The following KCNH1 variants were observed in gnomAD, a reference collection of about 807,000 sequenced individuals.
KCNH1 encodes potassium voltage-gated channel subfamily H member 1, also known as voltage-gated delayed rectifier potassium channel KCNH1.
Under a neutral mutation model 69.2 loss-of-function variants are expected in KCNH1, and 27 were observed. That is an observed-to-expected ratio of 0.39 (90% CI 0.29 to 0.54). KCNH1 has a LOEUF of 0.54. KCNH1 is among the 20% of genes least tolerant of loss of function. The pLI, the probability that KCNH1 is intolerant of heterozygous loss-of-function variation, is 0.68. For synonymous variants in KCNH1, 456 were observed against 487.7 expected (o/e 0.93, Z 0.86); for missense variants, 798 against 1,261.6 (o/e 0.63, Z 5.57).
intron 6 of KCNH1, among the ~76,000 whole-genome samples, chr1:211,011,584 A>G (rs1689395401): frequency 6.6e-6 from 1 of 152,182 alleles, no homozygotes; most frequent in African/African-American, 2.4e-5. Flanking sequence ...GAACTCTTGC[A>G]TTGCCTCAGA....
At chr1:211,053,760 C>T (rs1690250790) in intron 5 of KCNH1, among the ~76,000 whole-genome samples, 1 of 152,052 alleles carries the variant, frequency 6.6e-6, no homozygotes, top group African/African-American at 2.4e-5. Flanking sequence ...AATCAGATGC[C>T]TCATCAACTG....
intron 5 of KCNH1, among the ~76,000 whole-genome samples, chr1:211,020,491 T>TA (rs34530499): frequency 0.15 from 22,146 of 149,820 alleles, 1,869 homozygotes; most frequent in East Asian, 0.39. Context: ...GAATCAGTAA[T>TA]AAAAAAAAAA....
chr1:210,986,352 T>G (rs1213081485), intron 6 of KCNH1, among the ~76,000 whole-genome samples: 1 of 152,234 alleles, frequency 6.6e-6, no homozygotes, highest in Non-Finnish European at 1.5e-5. Flanking sequence ...ATTTTGCTCA[T>G]TAGTTGATGC....
intron 1 of KCNH1, among the ~76,000 whole-genome samples, chr1:211,128,373 C>T (rs1391104743): frequency 6.6e-6 from 1 of 151,370 alleles, no homozygotes; most frequent in Non-Finnish European, 1.5e-5. Context: ...AGAATATATG[C>T]TATATGATCT....
At chr1:211,129,114 A>G (rs368848984) in intron 1 of KCNH1, among the ~76,000 whole-genome samples, 11 of 152,180 alleles carry the variant, frequency 7.2e-5, no homozygotes, top group African/African-American at 2.4e-4. Context: ...CTGTGATTCT[A>G]TTTCTCTTTC....
At chr1:210,707,610 A>G (rs1681946014) in intron 10 of KCNH1, among the ~76,000 whole-genome samples, 1 of 152,200 alleles carries the variant, frequency 6.6e-6, no homozygotes, top group South Asian at 2.1e-4. Context: ...GGCTGGCCAC[A>G]CAGAGGGAAA....
chr1:210,877,199 G>C (rs1385610988), intron 7 of KCNH1, among the ~76,000 whole-genome samples: 2 of 152,048 alleles, frequency 1.3e-5, no homozygotes, highest in Non-Finnish European at 2.9e-5. Flanking sequence ...ACTAATTATA[G>C]CTGTAGTTGA....
intron 6 of KCNH1, among the ~76,000 whole-genome samples, chr1:210,935,327 G>A (rs1687758542): frequency 1.3e-5 from 2 of 152,232 alleles, no homozygotes; most frequent in Non-Finnish European, 2.9e-5. Flanking sequence ...GTTTCTCATA[G>A]AAGTAGAGAG....
At chr1:210,887,265 T>G (rs2102516719) in intron 7 of KCNH1, among the ~76,000 whole-genome samples, 1 of 152,292 alleles carries the variant, frequency 6.6e-6, no homozygotes. Context: ...GAAATGATTT[T>G]CAACCCAGAA....
chr1:211,057,785 G>A (rs1200312863), intron 5 of KCNH1, among the ~76,000 whole-genome samples: 1 of 150,298 alleles, frequency 6.7e-6, no homozygotes, highest in African/African-American at 2.4e-5. Flanking sequence ...CGACAGATCC[G>A]AAAAAAAAAG....
At chr1:211,033,400 C>A (rs1446408878) in intron 5 of KCNH1, among the ~76,000 whole-genome samples, 1 of 152,166 alleles carries the variant, frequency 6.6e-6, no homozygotes, top group Non-Finnish European at 1.5e-5. Flanking sequence ...TTGACCCAGC[C>A]ATCCCATTAC....
chr1:210,765,074 A>G (rs1321410029), intron 10 of KCNH1, among the ~76,000 whole-genome samples: 2 of 152,216 alleles, frequency 1.3e-5, no homozygotes, highest in African/African-American at 4.8e-5. Context: ...ATGCAGCTGA[A>G]GGCCATTATC....
In KCNH1 at chr1:210,888,674, A is replaced by C. The variant is rs111640326; in HGVS notation, c.1462+30966T>G. ...AGACCACTAGCCAGACTAATAAAGA[A>C]GAAAAGAGAGAAGAATCAAATAGAC... is the stretch of plus-strand genomic sequence containing the variant. On this transcript the variant is annotated intron_variant, in intron 7 of 10. Coordinates refer to ENST00000271751, the MANE Select transcript of KCNH1 (RefSeq NM_172362.3). 1.8e-3 allele frequency among the ~76,000 whole-genome samples: 268 copies of C among 152,304 alleles called. 3 individuals are homozygous for C. The highest frequency in any genetic ancestry group is 6.0e-3 in the African/African-American group (250 of 41,568).
At chr1:210,760,578 G>A (rs896323872) in intron 10 of KCNH1, among the ~76,000 whole-genome samples, 4 of 152,174 alleles carry the variant, frequency 2.6e-5, no homozygotes, top group African/African-American at 9.7e-5. Flanking sequence ...GTATTTGTCT[G>A]TTTTCATGCT....
rs1036411726 is a variant in KCNH1, at chr1:211,134,032, C to T, written c.-87G>A. 4 of 1,147,922 alleles carry T rather than the reference C, an allele frequency of 3.5e-6. No homozygotes were observed. Among genetic ancestry groups the T allele is most frequent in the African/African-American group, 1.6e-5 (1 of 63,650 alleles). 71.1% of individuals were successfully genotyped at this position (1,147,922 alleles called of 1,614,324 possible). On this transcript the variant is annotated 5_prime_UTR_variant, in exon 1 of 11. Transcript: ENST00000271751. The surrounding 1 kb of genome is among the most constrained non-coding windows in gnomAD (Gnocchi z 5.7). ...TGGCCTCGGGGCCCGCACGCAGTCC[C>T]GGCTCGAAGCGCCCCATGCGCCCGG...
chr1:211,073,369 A>G (rs962660127), intron 5 of KCNH1, among the ~76,000 whole-genome samples: 1 of 152,216 alleles, frequency 6.6e-6, no homozygotes, highest in African/African-American at 2.4e-5. Context: ...CCATCAATCA[A>G]CTGGATATAA....
chr1:211,034,286 A>G (rs755739879), intron 5 of KCNH1, among the ~76,000 whole-genome samples: 3 of 152,160 alleles, frequency 2.0e-5, no homozygotes, highest in Non-Finnish European at 2.9e-5. Context: ...ACATGCAGCA[A>G]TCTGGATGAA....
chr1:211,014,769 T>C (rs539328266), intron 6 of KCNH1, among the ~76,000 whole-genome samples: 1 of 152,182 alleles, frequency 6.6e-6, no homozygotes. Context: ...TGTATTTTTT[T>C]ATGAGAAATG....
chr1:211,053,485 T>C (rs1690245460), intron 5 of KCNH1, among the ~76,000 whole-genome samples: 1 of 152,190 alleles, frequency 6.6e-6, no homozygotes, highest in Admixed American at 6.5e-5. Context: ...GGAGCTGCCC[T>C]GATGGAGAAA....
Sources: allele counts gnomAD v4.1 joint callset (sites outside exome capture counted in the v4.1 genomes callset), GRCh38; gene constraint gnomAD v4.1.1; non-coding constraint Gnocchi (gnomAD v3.1); transcripts MANE v1.5; gene names NCBI Gene and HGNC (gene_info 2026-07-23, HGNC 2026-07-21).